Variants in CSRP1 observed in about 807,000 individuals in gnomAD.
The protein encoded by CSRP1 is cysteine and glycine-rich protein 1.
A neutral mutation model predicts 25.4 loss-of-function variants in CSRP1; 16 were observed. The observed-to-expected ratio is 0.63, with a 90% CI of 0.43 to 0.96. The LOEUF (loss-of-function observed/expected upper bound fraction) is 0.96, where lower values mean the gene tolerates loss of function less well. CSRP1 is among the 40% of genes least tolerant of loss of function. CSRP1 has a pLI of 0.00. For missense variants in CSRP1, 212 were observed against 243.6 expected, an observed-to-expected ratio of 0.87 and a Z score of 0.86; for synonymous variants, 97 against 95.3, an observed-to-expected ratio of 1.02 and a Z score of -0.10.
At position 201,483,617 on chromosome 1, in the gene CSRP1, T is replaced by G; in HGVS notation, c.*1096A>C. ...AGCCCTTTCAGTGGGTGGCTCCAGA[T>G]AGTGTTGTCCTTTCAGTTGCTGGGA... On this transcript the variant is annotated 3_prime_UTR_variant, in exon 6 of 6. Transcript: ENST00000340006. The G allele has an allele frequency of 5.1e-6, 1 of 196,394 alleles. No individual in the cohort carries two copies. The highest frequency in any genetic ancestry group is 1.1e-5 in the Non-Finnish European group (1 of 92,578). The allele number at this position is 196,394 out of a possible 1,614,324, so 12.2% of individuals were successfully genotyped here. A position where few individuals can be genotyped will look rare whatever the true frequency, so the allele number is the denominator to read the frequency against.
At chr1:201,491,417 C>G (rs1664335897) in intron 2 of CSRP1, 1 of 152,150 alleles carries the variant, frequency 6.6e-6, no homozygotes, top group South Asian at 2.1e-4. Context: ...TTTTGCCTTT[C>G]CAGCCTCTGT....
chr1:201,495,259 G>A (rs1385073081), intron 2 of CSRP1, among the ~76,000 whole-genome samples: 2 of 152,226 alleles, frequency 1.3e-5, no homozygotes, highest in Admixed American at 1.3e-4. Context: ...AATTGGCAGA[G>A]CATGGTGGCA....
At chr1:201,494,835 TGTGTGC>T (rs1038660165) in intron 2 of CSRP1, among the ~76,000 whole-genome samples, 3 of 152,224 alleles carry the variant, frequency 2.0e-5, no homozygotes, top group Non-Finnish European at 2.9e-5. Flanking sequence ...TGCGTGTGTG[TGTGTGC>T]GTGTGCACGT....
intron 2 of CSRP1, among the ~76,000 whole-genome samples, chr1:201,494,238 C>T (rs1212561161): frequency 1.3e-5 from 2 of 152,132 alleles, no homozygotes; most frequent in African/African-American, 4.8e-5. Context: ...ACCGACTACT[C>T]CTCCGTAAAC....
chr1:201,500,916 G>A (rs927817283), intron 1 of CSRP1, among the ~76,000 whole-genome samples: 2 of 152,228 alleles, frequency 1.3e-5, no homozygotes, highest in Non-Finnish European at 2.9e-5. Flanking sequence ...CAGAGGCCCT[G>A]CAGAAGGCTG....
chr1:201,485,484 C>G, intron 4 of CSRP1, 108 bp from the exon 5 acceptor site: 1 of 934,394 alleles, frequency 1.1e-6, no homozygotes, highest in Non-Finnish European at 1.7e-6. Context: ...CAAGCCACTT[C>G]TGAAGTCTAC....
Position 201,484,162 on chromosome 1 carries a change from G to T in CSRP1, c.*551C>A. ...GAGAAGCAGGGGCTCCTAGGACCCT[G>T]CCTGCATGCCTCTCTGCCTCCAATA... On this transcript the variant is annotated 3_prime_UTR_variant, in exon 6 of 6. Transcript: ENST00000340006. The T allele has an allele frequency of 1.6e-6, 1 of 608,214 alleles. No individual in the cohort carries two copies. The highest frequency in any genetic ancestry group is 2.8e-5 in the East Asian group (1 of 36,064). The allele number at this position is 608,214 out of a possible 1,614,324, so 37.7% of individuals were successfully genotyped here.
chr1:201,501,424 C>T (rs764155622), intron 1 of CSRP1, among the ~76,000 whole-genome samples: 1 of 152,218 alleles, frequency 6.6e-6, no homozygotes, highest in African/African-American at 2.4e-5. Context: ...ACTCTGTTGA[C>T]CATCTCAACA....
chr1:201,505,754 C>A (rs907931588), intron 1 of CSRP1, among the ~76,000 whole-genome samples: 8 of 152,246 alleles, frequency 5.3e-5, no homozygotes, highest in Non-Finnish European at 1.2e-4. Flanking sequence ...AGGACAGTCT[C>A]TCTCAAAAGA....
chr1:201,485,218 A>G (rs1488373414), intron 5 of CSRP1, 65 bp downstream of exon 5: 16 of 1,438,110 alleles, frequency 1.1e-5, no homozygotes, highest in Non-Finnish European at 1.6e-5. Flanking sequence ...CAGCAAAGGC[A>G]AAACTACTTA....
At chr1:201,494,242 C>T (rs981755307) in intron 2 of CSRP1, among the ~76,000 whole-genome samples, 1 of 152,112 alleles carries the variant, frequency 6.6e-6, no homozygotes, top group Non-Finnish European at 1.5e-5. Flanking sequence ...ACTACTCCTC[C>T]GTAAACAGGT....
At chr1:201,489,024 T>C (rs1291451306) in intron 3 of CSRP1, 40 bp from the exon 4 acceptor site, 22 of 1,610,516 alleles carry the variant, frequency 1.4e-5, no homozygotes, top group Non-Finnish European at 1.8e-5. Context: ...ACTTACACTG[T>C]AAGTACAGGT....
At chr1:201,487,475 A>G (rs987510054) in intron 4 of CSRP1, 2 of 152,542 alleles carry the variant, frequency 1.3e-5, no homozygotes, top group Non-Finnish European at 2.9e-5. Context: ...TACTTGGTCC[A>G]CTTTGCATTT....
chr1:201,497,784 G>A (rs1664555722), intron 1 of CSRP1, among the ~76,000 whole-genome samples: 1 of 152,108 alleles, frequency 6.6e-6, no homozygotes, highest in African/African-American at 2.4e-5. Context: ...GGCTGAGGTG[G>A]GCAGATCACG....
intron 4 of CSRP1, 92 bp from the exon 5 acceptor site, chr1:201,485,468 A>G: frequency 6.2e-6 from 7 of 1,136,934 alleles, no homozygotes; most frequent in East Asian, 4.9e-5. Flanking sequence ...CCATGGTATA[A>G]GGGCTCAAGC....
intron 3 of CSRP1, 146 bp from the exon 4 acceptor site, chr1:201,489,130 G>C (rs1379737442): frequency 7.5e-6 from 7 of 939,160 alleles, no homozygotes; most frequent in Non-Finnish European, 9.4e-6. Flanking sequence ...GGGCCTCTAG[G>C]GTCATCTCCC....
At chr1:201,492,753 T>C (rs641103) in intron 2 of CSRP1, 86,431 of 152,152 alleles carry the variant, frequency 0.57, 25,709 homozygotes, top group Non-Finnish European at 0.67. Context: ...GTTGGCCAGA[T>C]GCAGGGCCAG....
intron 1 of CSRP1, among the ~76,000 whole-genome samples, chr1:201,502,130 C>T (rs1019760784): frequency 8.5e-5 from 13 of 152,148 alleles, no homozygotes; most frequent in Admixed American, 5.2e-4. Flanking sequence ...CTTATCAAAC[C>T]CTTCAAAACC....
At chr1:201,503,475 C>A (rs955390618) in intron 1 of CSRP1, among the ~76,000 whole-genome samples, 1 of 152,120 alleles carries the variant, frequency 6.6e-6, no homozygotes, top group South Asian at 2.1e-4. Flanking sequence ...GGCACACAGT[C>A]GGGGGTAGGG....
Sources: allele counts gnomAD v4.1 joint callset (sites outside exome capture counted in the v4.1 genomes callset), GRCh38; gene constraint gnomAD v4.1.1; transcripts MANE v1.5; gene names NCBI Gene and HGNC (gene_info 2026-07-23, HGNC 2026-07-21).